WDR25: variants seen among roughly 807,000 people sequenced by gnomAD.
WDR25 encodes WD repeat domain 25.
In WDR25, 35 loss-of-function variants were observed where a neutral mutation model predicts 47.7. The observed-to-expected ratio is 0.73, with a 90% confidence interval of 0.56 to 0.97. The LOEUF is 0.97. Ranked by LOEUF, WDR25 falls within the 50% of genes least tolerant of loss-of-function variation. The probability of loss-of-function intolerance (pLI) is 0.00; values close to 1 mark genes in which losing one functional copy is unlikely to be tolerated. For synonymous variants in WDR25, 248 were observed against 278.9 expected (o/e 0.89, Z 1.10); for missense variants, 634 against 704.7 (o/e 0.90, Z 1.14).
chr14:100,509,339 A>G (rs1274259070), intron 4 of WDR25, among the ~76,000 whole-genome samples: 2 of 152,086 alleles, frequency 1.3e-5, no homozygotes, highest in African/African-American at 4.8e-5. Context: ...TTTTATCTAA[A>G]TTGTCAAATT....
intron 2 of WDR25, among the ~76,000 whole-genome samples, chr14:100,462,383 G>A (rs1402346096): frequency 6.6e-6 from 1 of 152,130 alleles, no homozygotes; most frequent in East Asian, 1.9e-4. Context: ...ATTGAAAAAA[G>A]CACGCACTTC....
intron 2 of WDR25, among the ~76,000 whole-genome samples, chr14:100,382,619 C>T (rs755560793): frequency 1.3e-5 from 2 of 152,310 alleles, no homozygotes. Flanking sequence ...GGTCGTTGTG[C>T]CCACCTGGGA....
chr14:100,437,199 CA>C (rs1898526102), intron 2 of WDR25, among the ~76,000 whole-genome samples: 1 of 152,146 alleles, frequency 6.6e-6, no homozygotes, highest in Admixed American at 6.5e-5. Flanking sequence ...TTCCAGGGCC[CA>C]ACCCACACGT....
chr14:100,393,383 C>T (rs1038574701), intron 2 of WDR25, among the ~76,000 whole-genome samples: 4 of 152,196 alleles, frequency 2.6e-5, no homozygotes, highest in African/African-American at 4.8e-5. Flanking sequence ...TGTTTGTTTT[C>T]GTCCTGGGCT....
chr14:100,393,820 G>A lies in WDR25; in HGVS notation c.822+12074G>A, dbSNP rs946301913. Among the ~76,000 whole-genome samples the A allele has an allele frequency of 3.7e-4, 57 of 152,184 alleles. 2 individuals are homozygous for A. Among genetic ancestry groups the A allele is most frequent in the Non-Finnish European group, 1.5e-4 (10 of 68,024 alleles). On this transcript the variant is annotated intron_variant, in intron 2 of 6. Transcript: ENST00000402312. ...CTCCAAGGCCGTTAATGGCTTGAGTGTCCTGTGGTCAGGGCCAAGATGGTG... is the reference window on the plus strand; with the variant it reads ...CTCCAAGGCCGTTAATGGCTTGAGTATCCTGTGGTCAGGGCCAAGATGGTG...
rs1472629599 is a variant in WDR25 at position 100,381,729 on chromosome 14, A to G, written c.805A>G (p.Met269Val). ...GAGCCACATGCTTCTCTCCACTTCT[A>G]TGGATAAAACTTTCAAGGTAAGACT... ...SKSHMLLSTS[M>V]DKTFKVWNAV... Residue 269 changes from methionine to valine, a missense_variant, in exon 2 of 7, where the codon ATG becomes GTG. Coordinates refer to ENST00000402312, the MANE Select transcript of WDR25 (RefSeq NM_001161476.3). The G allele has an allele frequency of 1.7e-5, 27 of 1,603,814 alleles. No individual in the cohort carries two copies. Among genetic ancestry groups the G allele is most frequent in the South Asian group, 5.5e-5 (5 of 90,198 alleles).
chr14:100,519,261 A>AGG (rs1418121015), intron 4 of WDR25, among the ~76,000 whole-genome samples: 2 of 145,208 alleles, frequency 1.4e-5, no homozygotes, highest in Admixed American at 6.6e-5. Flanking sequence ...TGTAATTTAT[A>AGG]GGGGGGAGAG....
Position 100,498,671 on chromosome 14 carries a change from T to C in WDR25, c.1101+14547T>C, listed in dbSNP as rs981798866. Reference sequence around the variant, plus strand: ...CTCCCTTCTCCACCACCTCAGTCCCTGCGTCCTCCTCTTCCAGGGCCAACA... The same window carrying C: ...CTCCCTTCTCCACCACCTCAGTCCCCGCGTCCTCCTCTTCCAGGGCCAACA... On this transcript the variant is annotated intron_variant, in intron 4 of 6. Transcript: ENST00000402312. This position sits in a 1 kb window ranked among gnomAD's most constrained non-coding sequence, Gnocchi z 4.2. Among the ~76,000 whole-genome samples, 1 of 152,196 alleles carries C rather than the reference T, an allele frequency of 6.6e-6. No individual in the cohort carries two copies. The highest frequency in any genetic ancestry group is 1.5e-5 in the Non-Finnish European group (1 of 68,028).
chr14:100,505,171 A>G (rs1369185398), intron 4 of WDR25, among the ~76,000 whole-genome samples: 1 of 151,954 alleles, frequency 6.6e-6, no homozygotes, highest in Non-Finnish European at 1.5e-5. Context: ...TGTTGCAAAG[A>G]TTTTCTCCTA....
At chr14:100,426,735 C>T (rs934741342) in intron 2 of WDR25, among the ~76,000 whole-genome samples, 1 of 152,170 alleles carries the variant, frequency 6.6e-6, no homozygotes, top group South Asian at 2.1e-4. Context: ...GACTGCTGCC[C>T]CCCAGCCCCA....
At position 100,449,255 on chromosome 14, in the gene WDR25, A is replaced by G. The variant is rs1184609273; in HGVS notation, c.823-18766A>G. Among the ~76,000 whole-genome samples, 1 of 152,248 alleles carries G rather than the reference A, an allele frequency of 6.6e-6. No individual in the cohort carries two copies. Among genetic ancestry groups the G allele is most frequent in the African/African-American group, 2.4e-5 (1 of 41,470 alleles). On this transcript the variant is annotated intron_variant, in intron 2 of 6. Coordinates refer to ENST00000402312, the MANE Select transcript of WDR25 (RefSeq NM_001161476.3). This position sits in a 1 kb window ranked among gnomAD's most constrained non-coding sequence, Gnocchi z 4.2. ...TTGAGAAATCTTGATGAAAACGATCACTTCCATCCCAGCCCCATCAGGGAG... is the reference window on the plus strand; with the variant it reads ...TTGAGAAATCTTGATGAAAACGATCGCTTCCATCCCAGCCCCATCAGGGAG...
chr14:100,526,043 A>G lies in WDR25; in HGVS notation c.1272+3A>G, dbSNP rs767270583. Reference sequence around the variant, plus strand: ...AAATCTCCAACCAGATTTTCCACGTAAGAAATCCCATTTGGCATTGCTGTC... The same window carrying G: ...AAATCTCCAACCAGATTTTCCACGTGAGAAATCCCATTTGGCATTGCTGTC... On this transcript the variant is annotated splice_donor_region_variant and intron_variant, in intron 5 of 6. Transcript: ENST00000402312. 3.7e-6 allele frequency: 6 copies of G among 1,613,960 alleles called. No homozygotes were observed. The highest frequency in any genetic ancestry group is 4.2e-6 in the Non-Finnish European group (5 of 1,179,948).
At chr14:100,454,986 G>T (rs1201740078) in intron 2 of WDR25, 1 of 153,124 alleles carries the variant, frequency 6.5e-6, no homozygotes, top group Non-Finnish European at 1.5e-5. Flanking sequence ...CATACATTTT[G>T]TAATGTTCAG....
intron 2 of WDR25, among the ~76,000 whole-genome samples, chr14:100,396,253 GGC>G (rs1220126332): frequency 6.6e-6 from 1 of 152,214 alleles, no homozygotes; most frequent in Non-Finnish European, 1.5e-5. Context: ...TGGGATTACA[GGC>G]GTGAACCACT....
At position 100,525,862 on chromosome 14, in the gene WDR25, T is replaced by C. The variant is rs371311252; in HGVS notation, c.1102-8T>C. ...GCCTGCCAGCATGACCGGTGTCCGC[T>C]CTTGCAGGTGATGAGAAGCTACAAG... On this transcript the variant is annotated splice_region_variant and splice_polypyrimidine_tract_variant and intron_variant, in intron 4 of 6. Transcript: ENST00000402312. This position sits in a 1 kb window ranked among gnomAD's most constrained non-coding sequence, Gnocchi z 4.6. 4.3e-6 allele frequency: 7 copies of C among 1,613,216 alleles called. No homozygotes were observed.
At chr14:100,442,675 G>A (rs1898706154) in intron 2 of WDR25, among the ~76,000 whole-genome samples, 1 of 152,190 alleles carries the variant, frequency 6.6e-6, no homozygotes, top group African/African-American at 2.4e-5. Flanking sequence ...AAAGTATGCA[G>A]TTTGTAAAGC....
rs1363540524 is a variant in WDR25 at position 100,440,099 on chromosome 14, TAA to T, written c.823-27920_823-27919del. On this transcript the variant is annotated intron_variant, in intron 2 of 6. Coordinates refer to ENST00000402312, the MANE Select transcript of WDR25 (RefSeq NM_001161476.3). The surrounding 1 kb of genome is among the most constrained non-coding windows in gnomAD (Gnocchi z 4.4). ...TAGTCATTTTCGAGTCACTCTCTGATAAAGATAGAACACTTCATTTAGGCACA... is the reference window on the plus strand; with the variant it reads ...TAGTCATTTTCGAGTCACTCTCTGATAGATAGAACACTTCATTTAGGCACA... Among the ~76,000 whole-genome samples the T allele has an allele frequency of 1.3e-5, 2 of 152,240 alleles. No homozygotes were observed. Among genetic ancestry groups the T allele is most frequent in the African/African-American group, 4.8e-5 (2 of 41,464 alleles).
intron 2 of WDR25, among the ~76,000 whole-genome samples, chr14:100,423,257 C>G (rs887398186): frequency 2.6e-5 from 4 of 152,154 alleles, no homozygotes; most frequent in African/African-American, 9.7e-5. Context: ...TGATTTCCCC[C>G]AGCCTGATCT....
intron 4 of WDR25, among the ~76,000 whole-genome samples, chr14:100,519,308 C>T (rs1595168963): frequency 6.6e-6 from 1 of 151,312 alleles, no homozygotes; most frequent in East Asian, 1.9e-4. Flanking sequence ...TGGGTTTACT[C>T]CATTTCAGGT....
Sources: gnomAD v4.1 joint callset for allele counts (sites outside exome capture counted in the v4.1 genomes callset) on GRCh38, gnomAD v4.1.1 for gene constraint, Gnocchi (gnomAD v3.1) non-coding constraint, MANE v1.5 for transcripts, NCBI Gene and HGNC (gene_info 2026-07-23, HGNC 2026-07-21) for gene names.